The following FDFT1 variants were observed in gnomAD, a reference collection of about 807,000 sequenced individuals.
FDFT1 encodes the protein squalene synthase.
In FDFT1, 68 loss-of-function variants were observed where a neutral mutation model predicts 46.8. The observed-to-expected ratio is 1.45, with a 90% CI of 1.19 to 1.78. FDFT1 has a LOEUF of 1.78. Ranked by LOEUF, FDFT1 falls within the 40% of genes most tolerant of loss-of-function variation. FDFT1 has a pLI of 0.00. For synonymous variants in FDFT1, 351 were observed against 185.1 expected, an observed-to-expected ratio of 1.90 and a Z score of -7.28; for missense variants, 928 against 524.4, an observed-to-expected ratio of 1.77 and a Z score of -7.52.
intron 4 of FDFT1, among the ~76,000 whole-genome samples, chr8:11,825,539 CAAAAAA>C (rs35076894): frequency 4.2e-5 from 4 of 94,778 alleles, no homozygotes; most frequent in Non-Finnish European, 4.4e-5. Context: ...GACTTGATCT[CAAAAAA>C]AAAAAAAAAA....
At chr8:11,804,096 C>T (rs117224194) in intron 1 of FDFT1, among the ~76,000 whole-genome samples, 344 of 152,334 alleles carry the variant, frequency 2.3e-3, no homozygotes, top group Middle Eastern at 6.8e-3. Context: ...GGAGGTACAA[C>T]AGTGAACAAG....
At chr8:11,808,682 C>T (rs1807241308) in intron 1 of FDFT1, 112 bp from the exon 2 acceptor site, 6 of 1,497,602 alleles carry the variant, frequency 4.0e-6, no homozygotes, top group Admixed American at 4.2e-5. Flanking sequence ...GGGGAGAGGG[C>T]GGCAGGCTGT....
intron 3 of FDFT1, among the ~76,000 whole-genome samples, chr8:11,819,578 C>T (rs1209818478): frequency 1.3e-5 from 2 of 151,954 alleles, no homozygotes; most frequent in Non-Finnish European, 2.9e-5. Context: ...TGTCTTCTTG[C>T]TTTATTTCAT....
At chr8:11,825,697 T>G (rs4079376) in intron 4 of FDFT1, among the ~76,000 whole-genome samples, 1 of 140,210 alleles carries the variant, frequency 7.1e-6, no homozygotes, top group Non-Finnish European at 1.6e-5. Context: ...AAAAAAAAAA[T>G]AAAAAATAAA....
At chr8:11,801,776 C>G, upstream of FDFT1, 2 of 361,776 alleles carry the variant, frequency 5.5e-6, no homozygotes, top group South Asian at 4.1e-5. Flanking sequence ...TCACTGCAAA[C>G]TCCGCTTCCC....
chr8:11,801,655 G>T (rs1170486795), upstream of FDFT1: 3 of 286,952 alleles, frequency 1.0e-5, no homozygotes, highest in African/African-American at 2.3e-5. Flanking sequence ...ACTGGTTGCT[G>T]TGTTAAAACA....
chr8:11,808,350 T>C, intron 1 of FDFT1: 1 of 1,231,946 alleles, frequency 8.1e-7, no homozygotes, highest in South Asian at 4.0e-5. Flanking sequence ...GAGGCGCCGG[T>C]GCGGAGCGGG....
chr8:11,809,322 C>G (rs2130723430), intron 2 of FDFT1: 2 of 1,090,052 alleles, frequency 1.8e-6, no homozygotes, highest in Non-Finnish European at 2.2e-6. Flanking sequence ...TGAGAAGTTA[C>G]TGTGTTTTTT....
chr8:11,837,602 C>G (rs1811720561), intron 7 of FDFT1, among the ~76,000 whole-genome samples: 1 of 152,096 alleles, frequency 6.6e-6, no homozygotes. Context: ...TGCAGTAGGT[C>G]TGGACCATGG....
chr8:11,801,948 C>A, upstream of FDFT1: 1 of 455,408 alleles, frequency 2.2e-6, no homozygotes, highest in Non-Finnish European at 4.4e-6. Flanking sequence ...CTTGGCCTCC[C>A]AAAGTGTTGC....
At chr8:11,796,333 G>A (rs1267994979) in intron 1 of FDFT1, among the ~76,000 whole-genome samples, 1 of 152,126 alleles carries the variant, frequency 6.6e-6, no homozygotes, top group Non-Finnish European at 1.5e-5. Flanking sequence ...TACTGTGTAG[G>A]CCCAGCCCTT....
chr8:11,801,865 T>C (rs1435441615), upstream of FDFT1: 1 of 425,454 alleles, frequency 2.4e-6, no homozygotes, highest in Non-Finnish European at 4.6e-6. Context: ...GGCTTTTTTG[T>C]ATTTTTAGTA....
intron 3 of FDFT1, among the ~76,000 whole-genome samples, chr8:11,811,507 C>G (rs1176167386): frequency 6.6e-6 from 1 of 152,200 alleles, no homozygotes; most frequent in Non-Finnish European, 1.5e-5. Flanking sequence ...TGTGTGAATG[C>G]TAACATAATT....
intron 1 of FDFT1, among the ~76,000 whole-genome samples, chr8:11,804,358 A>G (rs1358848885): frequency 2.6e-5 from 4 of 152,196 alleles, no homozygotes; most frequent in Admixed American, 2.6e-4. Context: ...GTGGGTGGTC[A>G]TGGTAAGTGG....
intron 3 of FDFT1, among the ~76,000 whole-genome samples, chr8:11,817,425 G>C (rs925387866): frequency 5.3e-5 from 8 of 152,128 alleles, no homozygotes; most frequent in Non-Finnish European, 7.4e-5. Flanking sequence ...TATTGGAATA[G>C]TTTCAGAAGG....
intron 7 of FDFT1, among the ~76,000 whole-genome samples, chr8:11,836,809 G>C (rs1811599525): frequency 6.6e-6 from 1 of 152,258 alleles, no homozygotes; most frequent in African/African-American, 2.4e-5. Context: ...GCCGAGGTGG[G>C]TGGATCACTT....
At chr8:11,812,647 A>G (rs980948144) in intron 3 of FDFT1, among the ~76,000 whole-genome samples, 1 of 152,172 alleles carries the variant, frequency 6.6e-6, no homozygotes. Context: ...TACTAGCTCG[A>G]TTGATCATTT....
In FDFT1 at chr8:11,808,236, G is replaced by T. The variant is rs1051863898; in HGVS notation, c.100-558G>T. ...TTTCAGCGGAGCCCGAGTAGAGTTTGGTCTAGGGAGACTCTGTCACTGGGA... is the reference window on the plus strand; with the variant it reads ...TTTCAGCGGAGCCCGAGTAGAGTTTTGTCTAGGGAGACTCTGTCACTGGGA... On this transcript the variant is annotated intron_variant, in intron 1 of 7. Transcript: ENST00000220584. 2.5e-6 allele frequency: 3 copies of T among 1,191,338 alleles called. No individual in the cohort carries two copies. In the African/African-American group the frequency reaches 4.7e-5, roughly 19 times the overall value. The allele number at this position is 1,191,338 out of a possible 1,614,324, so 73.8% of individuals were successfully genotyped here.
In FDFT1 at chr8:11,821,787, A is replaced by G; in HGVS notation, c.419A>G (p.Gln140Arg). ...TTTAGAAATCTGGCTGAGAAATACC[A>G]AACAGTGATTGCCGACATTTGCCGG... The part of the protein sequence containing the change: ...LEFRNLAEKY[Q>R]TVIADICRRM... Residue 140 changes from glutamine to arginine, a missense_variant, in exon 4 of 8, where the codon CAA becomes CGA. Gln to Arg is a conservative substitution (Grantham distance 43). Transcript: ENST00000220584. 6.2e-7 allele frequency: 1 copy of G among 1,613,706 alleles called. No homozygotes were observed. The highest frequency in any genetic ancestry group is 1.1e-5 in the South Asian group (1 of 91,074).
Sources: gnomAD v4.1 joint callset for allele counts (sites outside exome capture counted in the v4.1 genomes callset) on GRCh38, gnomAD v4.1.1 for gene constraint, MANE v1.5 for transcripts, NCBI Gene and HGNC (gene_info 2026-07-23, HGNC 2026-07-21) for gene names.